Variants in ALDH4A1 observed in about 807,000 individuals in gnomAD.
ALDH4A1 encodes aldehyde dehydrogenase 4 family member A1.
ALDH4A1 carries 46 observed loss-of-function variants against 70.5 expected under a neutral mutation model. The observed-to-expected ratio is 0.65, with a 90% CI of 0.51 to 0.83. The LOEUF is 0.83. ALDH4A1 is among the 40% of genes least tolerant of loss of function. The pLI is 0.00. For missense variants in ALDH4A1, 749 were observed against 766.5 expected, an observed-to-expected ratio of 0.98 and a Z score of 0.27; for synonymous variants, 323 against 324.3, an observed-to-expected ratio of 1.00 and a Z score of 0.04.
intron 2 of ALDH4A1, 131 bp from the exon 3 acceptor site, chr1:18,889,585 G>T: frequency 1.3e-6 from 1 of 796,224 alleles, no homozygotes; most frequent in Non-Finnish European, 2.1e-6. Flanking sequence ...GGCCAGGTCG[G>T]TGGCCATCAG....
At chr1:18,881,981 T>C in intron 7 of ALDH4A1, 94 bp from the exon 8 acceptor site, 1 of 1,214,620 alleles carries the variant, frequency 8.2e-7, no homozygotes, top group Non-Finnish European at 1.1e-6. Flanking sequence ...GTCCCTCACC[T>C]GGAACCACCA....
intron 1 of ALDH4A1, among the ~76,000 whole-genome samples, chr1:18,894,431 T>C (rs1023203499): frequency 6.6e-6 from 1 of 152,186 alleles, no homozygotes; most frequent in African/African-American, 2.4e-5. Flanking sequence ...TACACCCAGC[T>C]ACTCAGGAGG....
At chr1:18,887,565 C>G (rs967571759) in intron 3 of ALDH4A1, among the ~76,000 whole-genome samples, 3 of 152,114 alleles carry the variant, frequency 2.0e-5, no homozygotes, top group Non-Finnish European at 4.4e-5. Flanking sequence ...CACCACTGCA[C>G]TCCAGCCTGG....
At chr1:18,877,688 A>G in intron 9 of ALDH4A1, 76 bp from the exon 10 acceptor site, 1 of 1,528,388 alleles carries the variant, frequency 6.5e-7, no homozygotes, top group Non-Finnish European at 8.9e-7. Flanking sequence ...AACACCACCT[A>G]CGCCATCCAT....
At chr1:18,895,432 A>G (rs988450409) in intron 1 of ALDH4A1, among the ~76,000 whole-genome samples, 1 of 152,324 alleles carries the variant, frequency 6.6e-6, no homozygotes, top group East Asian at 1.9e-4. Context: ...CACGAAGGCC[A>G]TGTACCGTTT....
At chr1:18,873,865 C>T (rs374866153) in intron 14 of ALDH4A1, among the ~76,000 whole-genome samples, 3 of 152,316 alleles carry the variant, frequency 2.0e-5, no homozygotes, top group South Asian at 2.1e-4. Context: ...TCTAATGCGT[C>T]GCAAAGTCAG....
At chr1:18,881,925 G>A (rs756106591) in intron 7 of ALDH4A1, 38 bp from the exon 8 acceptor site, 96 of 1,588,572 alleles carry the variant, frequency 6.0e-5, no homozygotes, top group Non-Finnish European at 7.9e-5. Context: ...TGAGGATGGC[G>A]CCACCAGCCC....
chr1:18,876,853 G>C (rs1451855057), intron 11 of ALDH4A1, among the ~76,000 whole-genome samples: 1 of 152,190 alleles, frequency 6.6e-6, no homozygotes. Flanking sequence ...ATATGCGTGT[G>C]TGTGCTTATG....
chr1:18,884,863 GA>G (rs1464349101), intron 5 of ALDH4A1, among the ~76,000 whole-genome samples: 2 of 152,238 alleles, frequency 1.3e-5, no homozygotes, highest in Non-Finnish European at 2.9e-5. Context: ...GAGCACGGAA[GA>G]GACAGCAGGC....
At position 18,872,662 on chromosome 1, in the gene ALDH4A1, G is replaced by C. The variant is rs1259592529; in HGVS notation, c.*183C>G. 7 of 585,588 alleles carry C rather than the reference G, an allele frequency of 1.2e-5. No homozygotes were observed. Among genetic ancestry groups the C allele is most frequent in the African/African-American group, 1.9e-5 (1 of 53,616 alleles). The allele number at this position is 585,588 out of a possible 1,614,324, so 36.3% of individuals were successfully genotyped here. On this transcript the variant is annotated 3_prime_UTR_variant, in exon 15 of 15. Coordinates refer to ENST00000375341, the MANE Select transcript of ALDH4A1 (RefSeq NM_003748.4). ...TAGTGGCCATGTTCCTCCCCAGCAC[G>C]ATCTCAAACCAGAGCCTGAGGCATG...
intron 7 of ALDH4A1, 110 bp downstream of exon 7, chr1:18,883,014 C>T: frequency 6.9e-7 from 1 of 1,446,496 alleles, no homozygotes; most frequent in Non-Finnish European, 9.7e-7. Flanking sequence ...CCTTCTGTGC[C>T]TCTCCCCATG....
chr1:18,871,820 C>T lies in ALDH4A1; in HGVS notation c.*1025G>A, dbSNP rs1557606098. 6.6e-6 allele frequency: 1 copy of T among 152,248 alleles called. No individual in the cohort carries two copies. The highest frequency in any genetic ancestry group is 1.5e-5 in the Non-Finnish European group (1 of 68,056). 9.4% of individuals were successfully genotyped at this position (152,248 alleles called of 1,614,324 possible). A position where few individuals can be genotyped will look rare whatever the true frequency, so the allele number is the denominator to read the frequency against. The stretch of plus-strand genomic sequence containing the variant: ...GGGAGGAATCGTGGTCACAGATTGG[C>T]TGCGTCAAAAAAAGAATGGGCCAGT... On this transcript the variant is annotated 3_prime_UTR_variant, in exon 15 of 15. Coordinates refer to ENST00000375341, the MANE Select transcript of ALDH4A1 (RefSeq NM_003748.4).
intron 13 of ALDH4A1, among the ~76,000 whole-genome samples, chr1:18,874,868 A>T (rs923489629): frequency 6.6e-6 from 1 of 152,166 alleles, no homozygotes; most frequent in Admixed American, 6.5e-5. Flanking sequence ...GTCCCTCAGG[A>T]GCAGCGGAAA....
intron 7 of ALDH4A1, among the ~76,000 whole-genome samples, chr1:18,882,864 A>AT (rs1174836686): frequency 1.3e-5 from 2 of 152,146 alleles, no homozygotes; most frequent in East Asian, 3.9e-4. Flanking sequence ...CTTTCCTATT[A>AT]TTTCCACTTT....
At chr1:18,882,462 GGCCTGGGA>G (rs1935019957) in intron 7 of ALDH4A1, 1 of 475,404 alleles carries the variant, frequency 2.1e-6, no homozygotes, top group African/African-American at 2.0e-5. Flanking sequence ...CTCCCCCACA[GGCCTGGGA>G]CTTCATCCAG....
chr1:18,890,025 T>C lies in ALDH4A1; in HGVS notation c.143A>G (p.Asp48Gly). ...LAFTQGSPER[D>G]ALQKALKDLK... ...CCCTCCCATTACCTTTTGCAGGGCATCTCGCTCAGGGCTGCCCTGCGTGAA... is the reference window on the plus strand; with the variant it reads ...CCCTCCCATTACCTTTTGCAGGGCACCTCGCTCAGGGCTGCCCTGCGTGAA... Residue 48 changes from aspartate to glycine, a missense_variant, in exon 2 of 15, where the codon GAT becomes GGT. Physicochemically the swap from Asp to Gly is moderately conservative, Grantham distance 94. Coordinates refer to ENST00000375341, the MANE Select transcript of ALDH4A1 (RefSeq NM_003748.4). 1 of 1,609,802 alleles carries C rather than the reference T, an allele frequency of 6.2e-7. No homozygotes were observed. Among genetic ancestry groups the C allele is most frequent in the Admixed American group, 1.7e-5 (1 of 59,626 alleles).
At chr1:18,873,685 C>T (rs915443981) in intron 14 of ALDH4A1, among the ~76,000 whole-genome samples, 4 of 152,184 alleles carry the variant, frequency 2.6e-5, no homozygotes, top group Non-Finnish European at 5.9e-5. Flanking sequence ...CGGCGGTGCC[C>T]CTGCCGGGGA....
chr1:18,895,575 C>T (rs1381424468), intron 1 of ALDH4A1, among the ~76,000 whole-genome samples: 1 of 152,176 alleles, frequency 6.6e-6, no homozygotes, highest in African/African-American at 2.4e-5. Context: ...AAAGGACATG[C>T]ACCATTTCAC....
chr1:18,882,987 G>A, intron 7 of ALDH4A1, 137 bp downstream of exon 7: 2 of 1,173,016 alleles, frequency 1.7e-6, no homozygotes, highest in Non-Finnish European at 2.5e-6. Context: ...CCTACCCACA[G>A]CCCCAAGCTG....
Sources: gnomAD v4.1 joint callset for allele counts (sites outside exome capture counted in the v4.1 genomes callset) on GRCh38, gnomAD v4.1.1 for gene constraint, MANE v1.5 for transcripts, NCBI Gene and HGNC (gene_info 2026-07-23, HGNC 2026-07-21) for gene names.